The following EPHA3 variants were observed in gnomAD, a reference collection of about 807,000 sequenced individuals.
EPHA3 encodes the protein ephrin type-A receptor 3.
EPHA3 carries 42 observed loss-of-function variants against 107.1 expected under a neutral mutation model. That is an observed-to-expected ratio of 0.39 (90% CI 0.31 to 0.51). EPHA3 has a LOEUF of 0.51. Among genes scored for constraint, EPHA3 ranks in the 20% least tolerant of loss-of-function variants. The probability of loss-of-function intolerance (pLI) is 0.78; values close to 1 mark genes in which losing one functional copy is unlikely to be tolerated. For missense variants in EPHA3, 1,183 were observed against 1,211.2 expected (o/e 0.98, Z 0.35); for synonymous variants, 461 against 424.8 (o/e 1.09, Z -1.05).
At position 89,377,808 on chromosome 3, in the gene EPHA3, T is replaced by C. The variant is rs1183419062; in HGVS notation, c.1307-18029T>C. Among the ~76,000 whole-genome samples, 5 of 152,136 alleles carry C rather than the reference T, an allele frequency of 3.3e-5. No homozygotes were observed. The East Asian group carries it at 9.6e-4, about 29-fold the overall frequency. ...GACAGACCAGGCCAGCAACACTTTA[T>C]AATGCTTATATAATAGTTTCATACA... On this transcript the variant is annotated intron_variant, in intron 5 of 16. Coordinates refer to ENST00000336596, the MANE Select transcript of EPHA3 (RefSeq NM_005233.6).
intron 5 of EPHA3, among the ~76,000 whole-genome samples, chr3:89,381,248 A>G (rs1436078036): frequency 6.6e-6 from 1 of 151,694 alleles, no homozygotes; most frequent in African/African-American, 2.4e-5. Flanking sequence ...CTGGGATTAC[A>G]GGCCTGAGCC....
intron 3 of EPHA3, among the ~76,000 whole-genome samples, chr3:89,312,336 T>C (rs1706783125): frequency 1.3e-5 from 2 of 151,246 alleles, no homozygotes; most frequent in African/African-American, 4.8e-5. Flanking sequence ...GCTTAAAATG[T>C]GAGAGTTCAT....
At chr3:89,295,319 G>A (rs776301152) in intron 3 of EPHA3, among the ~76,000 whole-genome samples, 6 of 152,046 alleles carry the variant, frequency 3.9e-5, no homozygotes, top group Non-Finnish European at 7.4e-5. Flanking sequence ...CTTTTTGTTC[G>A]TGGAGGATCT....
intron 5 of EPHA3, among the ~76,000 whole-genome samples, chr3:89,388,510 G>A (rs1453451502): frequency 1.3e-5 from 2 of 152,164 alleles, no homozygotes; most frequent in African/African-American, 4.8e-5. Flanking sequence ...AGACTAATGA[G>A]TAGTAGAAGC....
At chr3:89,428,509 A>G (rs1403835259) in intron 11 of EPHA3, among the ~76,000 whole-genome samples, 1 of 152,112 alleles carries the variant, frequency 6.6e-6, no homozygotes, top group African/African-American at 2.4e-5. Flanking sequence ...TTTTCCATTT[A>G]AACATAGCAT....
At chr3:89,115,142 G>A (rs1707221960) in intron 1 of EPHA3, among the ~76,000 whole-genome samples, 1 of 152,082 alleles carries the variant, frequency 6.6e-6, no homozygotes, top group Non-Finnish European at 1.5e-5. Flanking sequence ...TGCCTCATAC[G>A]CCCTGTTGTG....
chr3:89,279,121 A>G (rs1301636939), intron 3 of EPHA3, among the ~76,000 whole-genome samples: 3 of 152,196 alleles, frequency 2.0e-5, no homozygotes, highest in Admixed American at 6.6e-5. Context: ...TTTTGCAAGT[A>G]AATAGCTAAG....
At chr3:89,383,337 T>C (rs1708548127) in intron 5 of EPHA3, among the ~76,000 whole-genome samples, 1 of 152,204 alleles carries the variant, frequency 6.6e-6, no homozygotes, top group South Asian at 2.1e-4. Flanking sequence ...CCTTTCCGAA[T>C]AGTTTTCCTA....
chr3:89,476,591 T>G (rs1375477670), intron 16 of EPHA3, among the ~76,000 whole-genome samples: 1 of 112,226 alleles, frequency 8.9e-6, no homozygotes, highest in South Asian at 2.6e-4. Flanking sequence ...TTATTTTTAT[T>G]TATTTATTTA....
intron 3 of EPHA3, among the ~76,000 whole-genome samples, chr3:89,337,151 C>T (rs1350163325): frequency 1.3e-5 from 2 of 152,004 alleles, no homozygotes; most frequent in Non-Finnish European, 2.9e-5. Flanking sequence ...GATGTTTTCT[C>T]ACTTGGAATA....
chr3:89,415,944 A>G (rs1240735285), intron 10 of EPHA3, among the ~76,000 whole-genome samples: 1 of 151,504 alleles, frequency 6.6e-6, no homozygotes, highest in Admixed American at 6.6e-5. Flanking sequence ...TGGACACTGG[A>G]GATCATAGTA....
intron 2 of EPHA3, among the ~76,000 whole-genome samples, chr3:89,155,896 A>G (rs774695729): frequency 6.6e-6 from 1 of 152,010 alleles, no homozygotes; most frequent in Non-Finnish European, 1.5e-5. Flanking sequence ...CTGCAGTGGT[A>G]GGAGTAATTA....
rs533482447 is a variant in EPHA3 at position 89,369,625 on chromosome 3, G to A, written c.1307-26212G>A. ...GGACTTCATGTCTAAATCACCAAAA[G>A]CAATGGCAACAAAAGCCAAAATTGA... On this transcript the variant is annotated intron_variant, in intron 5 of 16. Coordinates refer to ENST00000336596, the MANE Select transcript of EPHA3 (RefSeq NM_005233.6). Among the ~76,000 whole-genome samples, 690 of 149,480 alleles carry A rather than the reference G, an allele frequency of 4.6e-3. 40 individuals carry two copies. The highest frequency in any genetic ancestry group is 0.014 in the Middle Eastern group (4 of 290).
chr3:89,385,903 C>T (rs1708610524), intron 5 of EPHA3, among the ~76,000 whole-genome samples: 1 of 152,102 alleles, frequency 6.6e-6, no homozygotes, highest in Non-Finnish European at 1.5e-5. Flanking sequence ...ACAATGATGA[C>T]CAGGCTGAGG....
intron 13 of EPHA3, among the ~76,000 whole-genome samples, chr3:89,443,960 GA>G (rs1709831075): frequency 6.6e-6 from 1 of 152,140 alleles, no homozygotes; most frequent in Non-Finnish European, 1.5e-5. Flanking sequence ...TATTTGGGAA[GA>G]TAGCATGCTC....
At chr3:89,468,531 T>TA (rs1225398386) in intron 15 of EPHA3, among the ~76,000 whole-genome samples, 3 of 152,216 alleles carry the variant, frequency 2.0e-5, no homozygotes, top group Non-Finnish European at 4.4e-5. Flanking sequence ...AACCCATAAA[T>TA]AAAAAAGTAT....
intron 2 of EPHA3, among the ~76,000 whole-genome samples, chr3:89,170,726 A>T (rs1358814989): frequency 1.3e-5 from 2 of 152,198 alleles, no homozygotes; most frequent in African/African-American, 4.8e-5. Context: ...TCATTGCAGA[A>T]GAGAAACACT....
intron 8 of EPHA3, 37 bp from the exon 9 acceptor site, chr3:89,408,030 T>C (rs1203512887): frequency 6.3e-7 from 1 of 1,582,138 alleles, no homozygotes; most frequent in Non-Finnish European, 8.6e-7. Flanking sequence ...TTAAATATAT[T>C]CCTCTTATGT....
At chr3:89,427,954 AC>A (rs1709491690) in intron 11 of EPHA3, among the ~76,000 whole-genome samples, 1 of 151,934 alleles carries the variant, frequency 6.6e-6, no homozygotes, top group Non-Finnish European at 1.5e-5. Flanking sequence ...CTTAATTGTT[AC>A]CATAATGTAT....
Sources: allele counts gnomAD v4.1 joint callset (sites outside exome capture counted in the v4.1 genomes callset), GRCh38; gene constraint gnomAD v4.1.1; transcripts MANE v1.5; gene names NCBI Gene and HGNC (gene_info 2026-07-23, HGNC 2026-07-21).